The following OSBPL3 variants were observed in gnomAD, a reference collection of about 807,000 sequenced individuals.
OSBPL3 encodes oxysterol binding protein like 3.
In OSBPL3, 65 loss-of-function variants were observed where a neutral mutation model predicts 120.1. The observed-to-expected ratio is 0.54, with a 90% CI of 0.44 to 0.67. The LOEUF (loss-of-function observed/expected upper bound fraction) is 0.67. Among genes scored for constraint, OSBPL3 ranks in the 30% least tolerant of loss-of-function variants. The pLI, the probability that OSBPL3 is intolerant of heterozygous loss-of-function variation, is 0.00. For synonymous variants in OSBPL3, 416 were observed against 402.6 expected (o/e 1.03, Z -0.40); for missense variants, 1,004 against 1,082.1 (o/e 0.93, Z 1.01).
At chr7:24,976,325 C>A (rs1817581924) in intron 1 of OSBPL3, among the ~76,000 whole-genome samples, 1 of 152,106 alleles carries the variant, frequency 6.6e-6, no homozygotes, top group Non-Finnish European at 1.5e-5. Context: ...TTTTTAACAA[C>A]ATAATGACAG....
At chr7:24,923,225 T>A (rs1056915381) in intron 1 of OSBPL3, among the ~76,000 whole-genome samples, 3 of 152,170 alleles carry the variant, frequency 2.0e-5, no homozygotes, top group African/African-American at 7.2e-5. Flanking sequence ...AGAGTGGAGC[T>A]CCTCAGGACT....
At chr7:24,919,010 A>G (rs1430403177) in intron 1 of OSBPL3, among the ~76,000 whole-genome samples, 1 of 152,196 alleles carries the variant, frequency 6.6e-6, no homozygotes, top group Admixed American at 6.5e-5. Context: ...TTTTATAGTT[A>G]AGAAACAGAG....
At chr7:24,809,667 G>A in intron 20 of OSBPL3, 140 bp downstream of exon 20, 1 of 700,626 alleles carries the variant, frequency 1.4e-6, no homozygotes, top group Non-Finnish European at 2.4e-6. Context: ...AAGGAAAGAG[G>A]GCCTACACCT....
rs939879984 is a variant in OSBPL3, at chr7:24,822,296, A to T, written c.1885-2058T>A. 1.5e-4 allele frequency among the ~76,000 whole-genome samples: 23 copies of T among 152,150 alleles called. No individual in the cohort carries two copies. The highest frequency in any genetic ancestry group is 5.3e-4 in the African/African-American group (22 of 41,434). ...ACGGAGCTAGCTTTGAAACCATGGG[A>T]TCATATAAAACAAAATCAAGGTGCA... On this transcript the variant is annotated intron_variant, in intron 16 of 22. Transcript: ENST00000313367. This position sits in a 1 kb window ranked among gnomAD's most constrained non-coding sequence, Gnocchi z 5.8.
chr7:24,954,488 T>A (rs1256257210), intron 1 of OSBPL3, among the ~76,000 whole-genome samples: 1 of 152,184 alleles, frequency 6.6e-6, no homozygotes, highest in African/African-American at 2.4e-5. Context: ...TTGGCATTTC[T>A]GCTGCAAACA....
chr7:24,804,963 G>A lies in OSBPL3; in HGVS notation c.2445-526C>T, dbSNP rs548575529. On this transcript the variant is annotated intron_variant, in intron 21 of 22. Coordinates refer to ENST00000313367, the MANE Select transcript of OSBPL3 (RefSeq NM_015550.4). This position sits in a 1 kb window ranked among gnomAD's most constrained non-coding sequence, Gnocchi z 5.4. ...ATAGCCACATAATATCCAGTTGCGT[G>A]GATGTATATGAATTTAGACAATTTC... Among the ~76,000 whole-genome samples, 7 of 152,154 alleles carry A rather than the reference G, an allele frequency of 4.6e-5. No homozygotes were observed. The highest frequency in any genetic ancestry group is 7.3e-5 in the Non-Finnish European group (5 of 68,034).
intron 1 of OSBPL3, among the ~76,000 whole-genome samples, chr7:24,924,394 C>T (rs948290874): frequency 1.3e-5 from 2 of 152,056 alleles, no homozygotes; most frequent in African/African-American, 2.4e-5. Context: ...TGATATATTA[C>T]GTAAAAAACA....
chr7:24,839,915 C>G (rs558419823), intron 14 of OSBPL3, among the ~76,000 whole-genome samples: 1 of 138,402 alleles, frequency 7.2e-6, no homozygotes, highest in Non-Finnish European at 1.5e-5. Flanking sequence ...CGCTTTAACC[C>G]GGGAGGCAGA....
Position 24,835,357 on chromosome 7 carries a change from C to T in OSBPL3, c.1496-621G>A, listed in dbSNP as rs1270796106. On this transcript the variant is annotated intron_variant, in intron 14 of 22. Coordinates refer to ENST00000313367, the MANE Select transcript of OSBPL3 (RefSeq NM_015550.4). This position sits in a 1 kb window ranked among gnomAD's most constrained non-coding sequence, Gnocchi z 4.8. ...TCATTAGAGAAATGCAAATCAAAACCACAATGAGATATCATCTCATACCAA... is the reference window on the plus strand; with the variant it reads ...TCATTAGAGAAATGCAAATCAAAACTACAATGAGATATCATCTCATACCAA... Among the ~76,000 whole-genome samples, 6 of 151,926 alleles carry T rather than the reference C, an allele frequency of 3.9e-5. No individual in the cohort carries two copies. Among genetic ancestry groups the T allele is most frequent in the African/African-American group, 1.5e-4 (6 of 41,358 alleles).
rs1331537222 is a variant in OSBPL3, at chr7:24,959,740, T to C, written c.-150+20146A>G. Among the ~76,000 whole-genome samples the C allele has an allele frequency of 6.6e-6, 1 of 152,234 alleles. No individual in the cohort carries two copies. Among genetic ancestry groups the C allele is most frequent in the Non-Finnish European group, 1.5e-5 (1 of 68,038 alleles). ...GGTGAAACTTCCAAAAGAAAATATA[T>C]TCCTTTTAAAATGCCATTCAGGAAT... is the stretch of plus-strand genomic sequence containing the variant. On this transcript the variant is annotated intron_variant, in intron 1 of 22. Coordinates refer to ENST00000313367, the MANE Select transcript of OSBPL3 (RefSeq NM_015550.4). This position sits in a 1 kb window ranked among gnomAD's most constrained non-coding sequence, Gnocchi z 4.3.
chr7:24,844,538 C>T (rs546011747), intron 12 of OSBPL3, among the ~76,000 whole-genome samples: 1 of 152,298 alleles, frequency 6.6e-6, no homozygotes, highest in Non-Finnish European at 1.5e-5. Context: ...ACATTCATAG[C>T]TCACACTATA....
intron 2 of OSBPL3, among the ~76,000 whole-genome samples, chr7:24,876,381 G>T (rs1802840354): frequency 6.6e-6 from 1 of 150,752 alleles, no homozygotes. Context: ...TATTATTACT[G>T]TCCATTACCA....
In OSBPL3 at chr7:24,892,367, T is replaced by TA. The variant is rs764810007; in HGVS notation, c.96+9dup. Reference sequence around the variant, plus strand: ...TTTGCATATTAAAATTTGCATGAGTTAAACTTTACCTGTCGACTTCCTTGC... The same window carrying TA: ...TTTGCATATTAAAATTTGCATGAGTTAAAACTTTACCTGTCGACTTCCTTGC... On this transcript the variant is annotated intron_variant, in intron 2 of 22. Transcript: ENST00000313367. The TA allele has an allele frequency of 5.0e-6, 8 of 1,612,282 alleles. No homozygotes were observed. The African/African-American group carries it at 8.0e-5, about 16-fold the overall frequency.
At chr7:24,957,071 T>A (rs928259474) in intron 1 of OSBPL3, among the ~76,000 whole-genome samples, 16 of 152,180 alleles carry the variant, frequency 1.1e-4, no homozygotes, top group African/African-American at 3.9e-4. Context: ...TAGGTAGAAC[T>A]GCTGTTTAAG....
rs1806710169 is a variant in OSBPL3 at position 24,899,788 on chromosome 7, C to A, written c.-149-7167G>T. On this transcript the variant is annotated intron_variant, in intron 1 of 22. Coordinates refer to ENST00000313367, the MANE Select transcript of OSBPL3 (RefSeq NM_015550.4). This position sits in a 1 kb window ranked among gnomAD's most constrained non-coding sequence, Gnocchi z 4.0. ...CTACAATTTCTCAAAGTGTCCAGAT[C>A]CACCTTCTTCAAAGTCTTCCGGATT... Among the ~76,000 whole-genome samples, 1 of 152,224 alleles carries A rather than the reference C, an allele frequency of 6.6e-6. No homozygotes were observed. Among genetic ancestry groups the A allele is most frequent in the Non-Finnish European group, 1.5e-5 (1 of 68,046 alleles).
rs1430498764 is a variant in OSBPL3, at chr7:24,813,684, G to A, written c.2172+1375C>T. Reference sequence around the variant, plus strand: ...TATAGGTTACAGGTGGTGCAGAGAGGCATTGCATGAAGTTCCACAATAAAA... The same window carrying A: ...TATAGGTTACAGGTGGTGCAGAGAGACATTGCATGAAGTTCCACAATAAAA... On this transcript the variant is annotated intron_variant, in intron 19 of 22. Transcript: ENST00000313367. This position sits in a 1 kb window ranked among gnomAD's most constrained non-coding sequence, Gnocchi z 4.5. Among the ~76,000 whole-genome samples the A allele has an allele frequency of 1.3e-5, 2 of 152,176 alleles. No homozygotes were observed. The highest frequency in any genetic ancestry group is 2.9e-5 in the Non-Finnish European group (2 of 68,034).
rs995383894 is a variant in OSBPL3, at chr7:24,821,692, C to T, written c.1885-1454G>A. 3.3e-5 allele frequency among the ~76,000 whole-genome samples: 5 copies of T among 152,198 alleles called. No homozygotes were observed. The highest frequency in any genetic ancestry group is 7.3e-5 in the Non-Finnish European group (5 of 68,042). On this transcript the variant is annotated intron_variant, in intron 16 of 22. Transcript: ENST00000313367. This position sits in a 1 kb window ranked among gnomAD's most constrained non-coding sequence, Gnocchi z 5.5. ...TTTCAGATTCCTCAATAAACACCAACGCCAGCTGCAATACAAAGCAGGAGA... is the reference window on the plus strand; with the variant it reads ...TTTCAGATTCCTCAATAAACACCAATGCCAGCTGCAATACAAAGCAGGAGA...
intron 1 of OSBPL3, among the ~76,000 whole-genome samples, chr7:24,909,225 T>C (rs1808412243): frequency 1.3e-5 from 2 of 152,208 alleles, no homozygotes; most frequent in African/African-American, 4.8e-5. Context: ...TCTTTAATAA[T>C]AGAACTCTCG....
chr7:24,921,105 T>C (rs1810326621), intron 1 of OSBPL3, among the ~76,000 whole-genome samples: 1 of 152,208 alleles, frequency 6.6e-6, no homozygotes, highest in Admixed American at 6.5e-5. Context: ...AAGCCTAATC[T>C]GGATGTGACA....
Sources: gnomAD v4.1 joint callset for allele counts (sites outside exome capture counted in the v4.1 genomes callset) on GRCh38, gnomAD v4.1.1 for gene constraint, Gnocchi (gnomAD v3.1) non-coding constraint, MANE v1.5 for transcripts, NCBI Gene and HGNC (gene_info 2026-07-23, HGNC 2026-07-21) for gene names.